MTMR2: variants seen among roughly 807,000 people sequenced by gnomAD.
MTMR2 encodes myotubularin related protein 2, also known as phosphatidylinositol-3,5-bisphosphate 3-phosphatase MTMR2.
MTMR2 carries 55 observed loss-of-function variants against 86.9 expected under a neutral mutation model. The ratio of observed to expected loss-of-function variants is 0.63; its 90% CI spans 0.51 to 0.79. The LOEUF (loss-of-function observed/expected upper bound fraction) is 0.79, where lower values mean the gene tolerates loss of function less well. Among genes scored for constraint, MTMR2 ranks in the 30% least tolerant of loss-of-function variants. MTMR2 has a pLI of 0.00. For synonymous variants in MTMR2, 241 were observed against 266.8 expected (o/e 0.90, Z 0.94); for missense variants, 659 against 772.3 (o/e 0.85, Z 1.74).
At chr11:95,853,935 C>A (rs1435869885) in intron 7 of MTMR2, among the ~76,000 whole-genome samples, 2 of 152,042 alleles carry the variant, frequency 1.3e-5, no homozygotes, top group African/African-American at 2.4e-5. Flanking sequence ...TGTACCATCC[C>A]CCAACCCAGA....
chr11:95,903,568 CACA>C (rs1389237123), intron 1 of MTMR2, among the ~76,000 whole-genome samples: 1 of 152,190 alleles, frequency 6.6e-6, no homozygotes, highest in East Asian at 1.9e-4. Flanking sequence ...CTAGATATTA[CACA>C]ACATTTCTCT....
At chr11:95,872,644 C>T (rs1258849577) in intron 2 of MTMR2, among the ~76,000 whole-genome samples, 6 of 152,174 alleles carry the variant, frequency 3.9e-5, no homozygotes, top group African/African-American at 1.4e-4. Flanking sequence ...GAACTTCCAA[C>T]ACTATGTTGA....
chr11:95,922,596 T>A (rs527594481), intron 1 of MTMR2, among the ~76,000 whole-genome samples: 2 of 151,436 alleles, frequency 1.3e-5, no homozygotes, highest in Non-Finnish European at 2.9e-5. Context: ...ACCTATCACA[T>A]GCTGAGACTA....
chr11:95,880,285 A>G (rs1865276897), intron 2 of MTMR2, among the ~76,000 whole-genome samples: 1 of 152,108 alleles, frequency 6.6e-6, no homozygotes, highest in African/African-American at 2.4e-5. Flanking sequence ...ATATATGTCT[A>G]TAATCAATAT....
In MTMR2 at chr11:95,836,199, T is replaced by A; in HGVS notation, c.1719A>T (p.Leu573=). 1 of 1,611,954 alleles carries A rather than the reference T, an allele frequency of 6.2e-7. No individual in the cohort carries two copies. Among genetic ancestry groups the A allele is most frequent in the South Asian group, 1.1e-5 (1 of 91,032 alleles). ...TTATGTAATATCCCACCCAGAGCTCTAGGTGGCGCATGCTGGCTACTGGAT... is the reference window on the plus strand; with the variant it reads ...TTATGTAATATCCCACCCAGAGCTCAAGGTGGCGCATGCTGGCTACTGGAT... ...VLYPVASMRH[L]ELWVGYYIRW... The change falls in exon 14 of 15, where the codon CTA becomes CTT. Residue 573 remains leucine, a synonymous_variant. Transcript: ENST00000346299.
intron 14 of MTMR2, among the ~76,000 whole-genome samples, chr11:95,835,912 G>A (rs983382874): frequency 2.0e-5 from 3 of 151,932 alleles, no homozygotes; most frequent in Non-Finnish European, 4.4e-5. Flanking sequence ...GACAGAGGAG[G>A]GAAGATGCAA....
At chr11:95,843,086 T>C (rs1863621301) in intron 11 of MTMR2, among the ~76,000 whole-genome samples, 1 of 152,310 alleles carries the variant, frequency 6.6e-6, no homozygotes, top group South Asian at 2.1e-4. Flanking sequence ...AAGACTTTTT[T>C]TTTTTGAAAA....
intron 2 of MTMR2, among the ~76,000 whole-genome samples, chr11:95,875,728 G>T (rs1439175732): frequency 6.6e-6 from 1 of 152,066 alleles, no homozygotes; most frequent in Non-Finnish European, 1.5e-5. Context: ...CATCTTTGTG[G>T]TTTTATCTAC....
chr11:95,877,331 C>CTTTTTTTTTTTTTT lies in MTMR2; in HGVS notation c.186+10824_186+10825insAAAAAAAAAAAAAA, dbSNP rs1565368414. On this transcript the variant is annotated intron_variant, in intron 2 of 14. Transcript: ENST00000346299. ...CATTCAAGATCAAGCACAGGGAAGC[C>CTTTTTTTTTTTTTT]CTTTTTTTTTTTTTTTTTTTTTTTT... Among the ~76,000 whole-genome samples the CTTTTTTTTTTTTTT allele has an allele frequency of 1.9e-4, 18 of 94,714 alleles. 5 individuals are homozygous for CTTTTTTTTTTTTTT. The highest frequency in any genetic ancestry group is 8.4e-4 in the African/African-American group (17 of 20,152). 62.1% of individuals were successfully genotyped at this position (94,714 alleles called of 152,430 possible).
Position 95,833,613 on chromosome 11 carries a change from A to G in MTMR2, c.*1677T>C, listed in dbSNP as rs1863122242. ...ATTTGAATTTGAAGTGGATGCAAGT[A>G]TGTTAAGACTAGAAGCTTTAAATTC... On this transcript the variant is annotated 3_prime_UTR_variant, in exon 15 of 15. Coordinates refer to ENST00000346299, the MANE Select transcript of MTMR2 (RefSeq NM_016156.6). 1 of 152,132 alleles carries G rather than the reference A, an allele frequency of 6.6e-6. No individual in the cohort carries two copies. The highest frequency in any genetic ancestry group is 1.5e-5 in the Non-Finnish European group (1 of 68,010). The allele number at this position is 152,132 out of a possible 1,614,324, so 9.4% of individuals were successfully genotyped here.
At chr11:95,922,763 T>C (rs1231217421) in intron 1 of MTMR2, among the ~76,000 whole-genome samples, 1 of 152,156 alleles carries the variant, frequency 6.6e-6, no homozygotes, top group Non-Finnish European at 1.5e-5. Flanking sequence ...TATGGCAATG[T>C]AGAATGACGG....
chr11:95,866,040 G>C (rs979430505), intron 2 of MTMR2, among the ~76,000 whole-genome samples: 7 of 152,194 alleles, frequency 4.6e-5, no homozygotes, highest in African/African-American at 1.2e-4. Flanking sequence ...CATAGTTAAA[G>C]TGCCAGTGTG....
intron 3 of MTMR2, 79 bp from the exon 4 acceptor site, chr11:95,862,445 T>C (rs975294064): frequency 3.7e-6 from 4 of 1,093,814 alleles, no homozygotes; most frequent in Admixed American, 1.8e-5. Context: ...AAAATTGTTA[T>C]GATTCCTAGA....
At chr11:95,861,704 G>A (rs182183356) in intron 5 of MTMR2, among the ~76,000 whole-genome samples, 5 of 152,138 alleles carry the variant, frequency 3.3e-5, no homozygotes, top group African/African-American at 1.2e-4. Context: ...GATTATAGGC[G>A]TGAGCCACCA....
Position 95,888,212 on chromosome 11 carries a change from C to G in MTMR2, c.130G>C (p.Val44Leu). The change falls in exon 2 of 15, where the codon GTT becomes CTT. Residue 44 changes from valine (V) to leucine (L), a missense_variant. Around this residue, in one of 3 missense-constraint regions of MTMR2, gnomAD observed 79 missense variants for 54.4 expected, o/e 1.45. Coordinates refer to ENST00000346299, the MANE Select transcript of MTMR2 (RefSeq NM_016156.6). Reference protein sequence around the residue: ...ENSVHTKSASVVSSDSISTSA... With the variant: ...ENSVHTKSASLVSSDSISTSA... ...GTTGAAATGGAATCTGATGATACAA[C>G]AGAAGCTGATTTTGTATGCACTGAA... 1 of 1,613,548 alleles carries G rather than the reference C, an allele frequency of 6.2e-7. No individual in the cohort carries two copies. Among genetic ancestry groups the G allele is most frequent in the South Asian group, 1.1e-5 (1 of 91,060 alleles).
rs757563852 is a variant in MTMR2, at chr11:95,888,265, C to G, written c.81-4G>C. 3.3e-5 allele frequency: 53 copies of G among 1,585,736 alleles called. No homozygotes were observed. Among genetic ancestry groups the G allele is most frequent in the Middle Eastern group, 3.3e-4 (2 of 6,054 alleles). Reference sequence around the variant, plus strand: ...CTCTGAATGAGAAGTGGAGGCACTACAAAATACAAAAGTACAGTATGTTGG... The same window carrying G: ...CTCTGAATGAGAAGTGGAGGCACTAGAAAATACAAAAGTACAGTATGTTGG... On this transcript the variant is annotated splice_region_variant and splice_polypyrimidine_tract_variant and intron_variant, in intron 1 of 14. Transcript: ENST00000346299.
At chr11:95,871,351 A>C (rs1864874908) in intron 2 of MTMR2, among the ~76,000 whole-genome samples, 2 of 152,204 alleles carry the variant, frequency 1.3e-5, no homozygotes, top group Admixed American at 1.3e-4. Context: ...TACAGTCCCC[A>C]CCAACAGTGT....
At chr11:95,840,249 AC>A (rs1863486684) in intron 12 of MTMR2, 1 of 152,178 alleles carries the variant, frequency 6.6e-6, no homozygotes. Flanking sequence ...AGTACACACA[AC>A]CATCAACAAT....
intron 7 of MTMR2, among the ~76,000 whole-genome samples, chr11:95,855,231 T>C (rs1353310450): frequency 6.6e-6 from 1 of 151,496 alleles, no homozygotes; most frequent in African/African-American, 2.4e-5. Flanking sequence ...ACCTAAATGG[T>C]TATTAATAAC....
Sources: allele counts gnomAD v4.1 joint callset (sites outside exome capture counted in the v4.1 genomes callset), GRCh38; gene constraint gnomAD v4.1.1; regional missense constraint gnomAD v4.1.1; transcripts MANE v1.5; gene names NCBI Gene and HGNC (gene_info 2026-07-23, HGNC 2026-07-21).